Variants in COG6 observed in about 807,000 individuals in gnomAD.
The protein encoded by COG6 is conserved oligomeric Golgi complex subunit 6.
In COG6, 74 loss-of-function variants were observed where a neutral mutation model predicts 88.8. The observed-to-expected ratio is 0.83, with a 90% CI of 0.69 to 1.01. COG6 has a LOEUF of 1.01. COG6 is among the 50% of genes least tolerant of loss of function. The pLI, the probability that COG6 is intolerant of heterozygous loss-of-function variation, is 0.00. For missense variants in COG6, 800 were observed against 797.9 expected, an observed-to-expected ratio of 1.00 and a Z score of -0.03; for synonymous variants, 286 against 278.7, an observed-to-expected ratio of 1.03 and a Z score of -0.26.
rs1566039942 is a variant in COG6, at chr13:39,752,128, G to A, written c.*1035G>A. On this transcript the variant is annotated 3_prime_UTR_variant, in exon 19 of 19. Transcript: ENST00000455146. ...TAAAGGAATAAATCCCAGTGTGCCT[G>A]ATTTGACATTCTTGTCAGCAAAAAA... The A allele has an allele frequency of 4.8e-6, 6 of 1,245,660 alleles. No homozygotes were observed. Among genetic ancestry groups the A allele is most frequent in the Non-Finnish European group, 6.2e-6 (6 of 966,170 alleles). 77.2% of individuals were successfully genotyped at this position (1,245,660 alleles called of 1,614,324 possible). A position where few individuals can be genotyped will look rare whatever the true frequency, so the allele number is the denominator to read the frequency against.
chr13:39,683,842 T>C (rs566081518), intron 8 of COG6, among the ~76,000 whole-genome samples: 6 of 152,290 alleles, frequency 3.9e-5, no homozygotes, highest in Admixed American at 3.9e-4. Flanking sequence ...GTTATAGTTC[T>C]TTATCAAAAC....
At chr13:39,768,685 T>C (rs1881235640) in intron 18 of COG6, among the ~76,000 whole-genome samples, 1 of 152,088 alleles carries the variant, frequency 6.6e-6, no homozygotes, top group Non-Finnish European at 1.5e-5. Flanking sequence ...TAACTTTTCA[T>C]AAGAAAGTTG....
At chr13:39,694,833 G>T in intron 12 of COG6, 108 bp downstream of exon 12, 1 of 620,040 alleles carries the variant, frequency 1.6e-6, no homozygotes, top group South Asian at 1.9e-5. Flanking sequence ...TATACACTAA[G>T]TATAGACTAA....
chr13:39,684,442 G>A (rs1876522569), intron 8 of COG6, among the ~76,000 whole-genome samples: 1 of 151,162 alleles, frequency 6.6e-6, no homozygotes, highest in African/African-American at 2.4e-5. Context: ...AGTAGAGACG[G>A]GGTTTCACCG....
intron 18 of COG6, among the ~76,000 whole-genome samples, chr13:39,736,098 AAT>A (rs1356743035): frequency 2.0e-5 from 3 of 151,940 alleles, no homozygotes; most frequent in Non-Finnish European, 4.4e-5. Flanking sequence ...TTTCTACACT[AAT>A]CTCTCTCTGC....
intron 5 of COG6, among the ~76,000 whole-genome samples, chr13:39,677,891 TAAAA>T (rs916640033): frequency 1.5e-4 from 23 of 152,308 alleles, no homozygotes; most frequent in African/African-American, 4.6e-4. Flanking sequence ...GATCTATAGT[TAAAA>T]AGAATATGCT....
intron 12 of COG6, among the ~76,000 whole-genome samples, chr13:39,698,837 G>T (rs1300547645): frequency 4.0e-5 from 6 of 151,858 alleles, no homozygotes; most frequent in African/African-American, 1.4e-4. Flanking sequence ...AATGGGAATT[G>T]TTTTATATAC....
chr13:39,700,021 T>C (rs1417707476), intron 13 of COG6, among the ~76,000 whole-genome samples: 1 of 151,842 alleles, frequency 6.6e-6, no homozygotes, highest in Non-Finnish European at 1.5e-5. Context: ...CCTTATGAAA[T>C]GTATGCTCCT....
intron 12 of COG6, among the ~76,000 whole-genome samples, chr13:39,694,951 A>ACACG (rs1555277401): frequency 1.4e-3 from 101 of 72,064 alleles, no homozygotes; most frequent in South Asian, 3.9e-3. Context: ...AAGCTTAACT[A>ACACG]CACGCACACA....
Position 39,656,022 on chromosome 13 carries a change from C to T in COG6, c.153+143C>T, listed in dbSNP as rs537555264. 1.4e-4 allele frequency: 156 copies of T among 1,103,926 alleles called. 1 individual carries two copies. The South Asian group carries it at 2.1e-3, about 15-fold the overall frequency. 68.4% of individuals were successfully genotyped at this position (1,103,926 alleles called of 1,614,324 possible). The stretch of plus-strand genomic sequence containing the variant: ...AGTGACCCCAGACCTGCGGGCTCCG[C>T]TGCTCTGCGGGCGCCGGGGGCGGTG... On this transcript the variant is annotated intron_variant, in intron 1 of 18. Transcript: ENST00000455146.
At chr13:39,762,764 T>G (rs557092474) in intron 18 of COG6, among the ~76,000 whole-genome samples, 2 of 151,124 alleles carry the variant, frequency 1.3e-5, no homozygotes, top group Admixed American at 6.6e-5. Context: ...AATAAGAGTT[T>G]TTTTTTTTTT....
intron 13 of COG6, among the ~76,000 whole-genome samples, chr13:39,713,837 T>C (rs1186637320): frequency 6.6e-6 from 1 of 152,190 alleles, no homozygotes; most frequent in African/African-American, 2.4e-5. Context: ...GAGCTATTTC[T>C]CCTCCTTAGA....
intron 3 of COG6, chr13:39,664,081 G>T (rs962311125): frequency 2.6e-5 from 4 of 154,752 alleles, no homozygotes; most frequent in Non-Finnish European, 5.9e-5. Flanking sequence ...AACTGAGTTT[G>T]TAGAGGATTA....
chr13:39,770,685 A>G (rs915500815), intron 18 of COG6, among the ~76,000 whole-genome samples: 1 of 152,232 alleles, frequency 6.6e-6, no homozygotes, highest in Non-Finnish European at 1.5e-5. Flanking sequence ...AGAGGTGGCT[A>G]TAGCCATTAG....
At chr13:39,725,691 T>C (rs1273260672) in intron 17 of COG6, among the ~76,000 whole-genome samples, 3 of 141,122 alleles carry the variant, frequency 2.1e-5, no homozygotes, top group Admixed American at 6.9e-5. Flanking sequence ...AACTTCTATA[T>C]ATGAAACAAA....
intron 13 of COG6, among the ~76,000 whole-genome samples, chr13:39,702,593 A>G (rs867074143): frequency 2.6e-5 from 4 of 152,098 alleles, no homozygotes; most frequent in Non-Finnish European, 5.9e-5. Context: ...GATAAAACTA[A>G]CAGCCAACAT....
Position 39,660,821 on chromosome 13 carries a change from C to T in COG6, c.309C>T (p.Ser103=). 1 of 1,606,652 alleles carries T rather than the reference C, an allele frequency of 6.2e-7. No individual in the cohort carries two copies. The highest frequency in any genetic ancestry group is 2.2e-5 in the East Asian group (1 of 44,722). The part of the protein sequence containing the change: ...IFKEVKEELE[S]ISEDVQAMSN... ...TTTCTTCTTTTCAGGAACTTGAAAGCATAAGCGAAGATGTTCAAGCAATGA... is the reference window on the plus strand; with the variant it reads ...TTTCTTCTTTTCAGGAACTTGAAAGTATAAGCGAAGATGTTCAAGCAATGA... Residue 103 remains serine, a synonymous_variant, in exon 3 of 19, where the codon AGC becomes AGT. Transcript: ENST00000455146.
intron 4 of COG6, among the ~76,000 whole-genome samples, chr13:39,677,090 A>G (rs1876016584): frequency 6.6e-6 from 1 of 152,182 alleles, no homozygotes; most frequent in Non-Finnish European, 1.5e-5. Flanking sequence ...AGTGACTGAA[A>G]AGAAATTGGT....
chr13:39,757,687 T>A (rs1880882943), intron 18 of COG6, among the ~76,000 whole-genome samples: 1 of 151,430 alleles, frequency 6.6e-6, no homozygotes, highest in Non-Finnish European at 1.5e-5. Flanking sequence ...AGTGGACAAA[T>A]GAAAAACACA....
Sources: allele counts gnomAD v4.1 joint callset (sites outside exome capture counted in the v4.1 genomes callset), GRCh38; gene constraint gnomAD v4.1.1; transcripts MANE v1.5; gene names NCBI Gene and HGNC (gene_info 2026-07-23, HGNC 2026-07-21).